The following MSR1 variants were observed in gnomAD, a reference collection of about 807,000 sequenced individuals.
The protein encoded by MSR1 is macrophage scavenger receptor 1.
MSR1 carries 53 observed loss-of-function variants against 47.2 expected under a neutral mutation model. The observed-to-expected ratio is 1.12, with a 90% confidence interval of 0.90 to 1.41. The LOEUF (loss-of-function observed/expected upper bound fraction) is 1.41. Among genes scored for constraint, MSR1 ranks in the 40% most tolerant of loss-of-function variants. The probability of loss-of-function intolerance (pLI) is 0.00; values close to 1 mark genes in which losing one functional copy is unlikely to be tolerated. For synonymous variants in MSR1, 239 were observed against 185.6 expected (o/e 1.29, Z -2.34); for missense variants, 786 against 546.9 (o/e 1.44, Z -4.36).
intron 7 of MSR1, among the ~76,000 whole-genome samples, chr8:16,146,023 AG>A (rs1800687511): frequency 6.6e-6 from 1 of 152,136 alleles, no homozygotes; most frequent in Non-Finnish European, 1.5e-5. Context: ...AGGATGTAAG[AG>A]GGGGTGTCTT....
intron 1 of MSR1, among the ~76,000 whole-genome samples, chr8:16,185,900 G>A (rs914221724): frequency 6.6e-6 from 1 of 150,874 alleles, no homozygotes; most frequent in East Asian, 1.9e-4. Context: ...ATATTCAGTG[G>A]GTGAGTAGAG....
rs1799959545 is a variant in MSR1 at position 16,119,996 on chromosome 8, G to A, written c.1222+422C>T. 7.3e-5 allele frequency among the ~76,000 whole-genome samples: 11 copies of A among 151,420 alleles called. No individual in the cohort carries two copies. The South Asian group carries it at 2.3e-3, about 32-fold the overall frequency. On this transcript the variant is annotated intron_variant, in intron 9 of 9. Coordinates refer to ENST00000262101, the MANE Select transcript of MSR1 (RefSeq NM_138715.3). ...CTCCCAAAGTGCTGGGACTACAAGCGTGAGCCACTGTACCAAGCCTAGACT... is the reference window on the plus strand; with the variant it reads ...CTCCCAAAGTGCTGGGACTACAAGCATGAGCCACTGTACCAAGCCTAGACT...
intron 8 of MSR1, chr8:16,121,024 T>C (rs548803643): frequency 6.4e-6 from 2 of 313,922 alleles, no homozygotes; most frequent in Admixed American, 4.8e-5. Context: ...AGATTTTCAA[T>C]ACTATAGGAG....
chr8:16,180,892 C>T (rs1801810296), intron 1 of MSR1, among the ~76,000 whole-genome samples: 1 of 152,102 alleles, frequency 6.6e-6, no homozygotes. Context: ...TTTAATGGAT[C>T]TGACCACTGT....
chr8:16,162,004 A>T (rs950131556), intron 5 of MSR1, among the ~76,000 whole-genome samples: 1 of 152,034 alleles, frequency 6.6e-6, no homozygotes, highest in Non-Finnish European at 1.5e-5. Context: ...AGAGGAAAGG[A>T]GAGAAAGAAT....
At chr8:16,185,952 G>A (rs569140462) in intron 1 of MSR1, among the ~76,000 whole-genome samples, 5 of 151,924 alleles carry the variant, frequency 3.3e-5, no homozygotes, top group Admixed American at 1.3e-4. Context: ...ACTTTTTGAC[G>A]CTGCAAGAGA....
chr8:16,185,936 G>C (rs1801985460), intron 1 of MSR1, among the ~76,000 whole-genome samples: 2 of 151,084 alleles, frequency 1.3e-5, no homozygotes, highest in African/African-American at 2.4e-5. Flanking sequence ...CAAAAGACAA[G>C]GAAGAACTTT....
At chr8:16,149,005 C>T (rs565995637) in intron 7 of MSR1, among the ~76,000 whole-genome samples, 67 of 152,158 alleles carry the variant, frequency 4.4e-4, no homozygotes, top group Non-Finnish European at 8.8e-5. Context: ...GTAAAAAGAT[C>T]AGCAGCTGCC....
intron 1 of MSR1, among the ~76,000 whole-genome samples, chr8:16,190,782 C>T (rs148629571): frequency 4.0e-5 from 6 of 148,444 alleles, no homozygotes; most frequent in Middle Eastern, 7.4e-3. Flanking sequence ...AGTGCAATGG[C>T]GTGATCTTGG....
chr8:16,169,209 A>G (rs1204984038), intron 3 of MSR1, among the ~76,000 whole-genome samples: 1 of 152,240 alleles, frequency 6.6e-6, no homozygotes, highest in Admixed American at 6.5e-5. Context: ...ATGTGTCTAC[A>G]GAACTGCTGT....
At chr8:16,132,506 G>A (rs1800284433) in intron 8 of MSR1, among the ~76,000 whole-genome samples, 1 of 151,132 alleles carries the variant, frequency 6.6e-6, no homozygotes, top group African/African-American at 2.4e-5. Context: ...TTGTTTTTTT[G>A]AGACAGAGTC....
chr8:16,154,955 C>T (rs760681750), intron 6 of MSR1, 109 bp downstream of exon 6: 66 of 895,770 alleles, frequency 7.4e-5, no homozygotes, highest in Middle Eastern at 5.9e-4. Context: ...CACACACATA[C>T]ACATCCTCTG....
intron 8 of MSR1, chr8:16,139,407 G>A (rs1800470256): frequency 1.1e-6 from 1 of 937,190 alleles, no homozygotes; most frequent in South Asian, 4.9e-5. Context: ...TGAGGTAGGT[G>A]TTAACATGTT....
At chr8:16,177,491 T>C (rs384780) in intron 2 of MSR1, among the ~76,000 whole-genome samples, 2,884 of 152,042 alleles carry the variant, frequency 0.019, 91 homozygotes, top group African/African-American at 0.066. Context: ...ACCTGCATTT[T>C]AGACTTCTGC....
chr8:16,135,155 A>G (rs1800359954), intron 8 of MSR1, among the ~76,000 whole-genome samples: 1 of 152,226 alleles, frequency 6.6e-6, no homozygotes, highest in Non-Finnish European at 1.5e-5. Context: ...TTTTCAATGT[A>G]GATGAAACAG....
intron 2 of MSR1, 128 bp from the exon 3 acceptor site, chr8:16,175,428 C>A (rs1409027169): frequency 2.4e-6 from 2 of 832,076 alleles, no homozygotes; most frequent in Non-Finnish European, 3.8e-6. Context: ...AAAAAATGTT[C>A]CACATCTTTG....
Position 16,168,502 on chromosome 8 carries a change from TTTC to T in MSR1, c.583_585del (p.Glu195del). On this transcript the variant is annotated inframe_deletion, in exon 4 of 10. Coordinates refer to ENST00000262101, the MANE Select transcript of MSR1 (RefSeq NM_138715.3). Reference sequence around the variant, plus strand: ...TTCTCTTGGATTTTGCCATTCAGATTTTCTATGTTGAGCTGCAAATCAAGCAAT... The same window carrying T: ...TTCTCTTGGATTTTGCCATTCAGATTTATGTTGAGCTGCAAATCAAGCAAT... 1 of 1,614,174 alleles carries T rather than the reference TTTC, an allele frequency of 6.2e-7. No individual in the cohort carries two copies. Among genetic ancestry groups the T allele is most frequent in the Non-Finnish European group, 8.5e-7 (1 of 1,180,014 alleles).
intron 5 of MSR1, among the ~76,000 whole-genome samples, chr8:16,157,105 A>T (rs910994761): frequency 6.6e-6 from 1 of 152,010 alleles, no homozygotes; most frequent in Admixed American, 6.6e-5. Context: ...CAAAGATTTC[A>T]GTTTAGTAAC....
At chr8:16,157,580 T>C (rs1801045874) in intron 5 of MSR1, among the ~76,000 whole-genome samples, 1 of 151,990 alleles carries the variant, frequency 6.6e-6, no homozygotes, top group South Asian at 2.1e-4. Context: ...TATAGATCTT[T>C]TACTGTTTCT....
Sources: allele counts gnomAD v4.1 joint callset (sites outside exome capture counted in the v4.1 genomes callset), GRCh38; gene constraint gnomAD v4.1.1; transcripts MANE v1.5; gene names NCBI Gene and HGNC (gene_info 2026-07-23, HGNC 2026-07-21).